CCDC91: variants seen among roughly 807,000 people sequenced by gnomAD.
The protein encoded by CCDC91 is coiled-coil domain-containing protein 91.
CCDC91 carries 48 observed loss-of-function variants against 63.2 expected under a neutral mutation model. That is an observed-to-expected ratio of 0.76 (90% confidence interval 0.60 to 0.97). The LOEUF is 0.97. CCDC91 is among the 50% of genes least tolerant of loss of function. The pLI is 0.00. For missense variants in CCDC91, 500 were observed against 494.6 expected (o/e 1.01, Z -0.10); for synonymous variants, 167 against 165.8 (o/e 1.01, Z -0.06).
intron 8 of CCDC91, among the ~76,000 whole-genome samples, chr12:28,412,131 T>C (rs559540593): frequency 7.2e-5 from 11 of 152,306 alleles, no homozygotes; most frequent in African/African-American, 2.6e-4. Context: ...GATTACACCA[T>C]ACATTCTAGG....
chr12:28,382,870 T>TC (rs1349331144), intron 7 of CCDC91, among the ~76,000 whole-genome samples: 5 of 152,098 alleles, frequency 3.3e-5, no homozygotes, highest in Non-Finnish European at 5.9e-5. Flanking sequence ...AATTTTTTTT[T>TC]CCCTTTCCTT....
intron 5 of CCDC91, 73 bp from the exon 6 acceptor site, chr12:28,307,572 T>C (rs1176639387): frequency 8.1e-6 from 6 of 742,016 alleles, no homozygotes; most frequent in Non-Finnish European, 1.3e-5. Flanking sequence ...TTTTCTGACA[T>C]GTTCATTGAA....
At chr12:28,401,688 A>G (rs1350462922) in intron 8 of CCDC91, among the ~76,000 whole-genome samples, 2 of 152,178 alleles carry the variant, frequency 1.3e-5, no homozygotes, top group African/African-American at 2.4e-5. Flanking sequence ...CCTTTGACAC[A>G]CAGGGCTTAT....
At chr12:28,368,981 G>C (rs1381549660) in intron 7 of CCDC91, among the ~76,000 whole-genome samples, 2 of 152,018 alleles carry the variant, frequency 1.3e-5, no homozygotes, top group African/African-American at 4.8e-5. Flanking sequence ...CTGACACATG[G>C]GAATTACAAA....
intron 11 of CCDC91, among the ~76,000 whole-genome samples, chr12:28,454,536 T>A (rs1592720276): frequency 6.6e-6 from 1 of 152,062 alleles, no homozygotes; most frequent in South Asian, 2.1e-4. Flanking sequence ...CAGTCTGAGG[T>A]TTTTTGCCAT....
intron 3 of CCDC91, among the ~76,000 whole-genome samples, chr12:28,269,088 C>G (rs1372736395): frequency 2.0e-5 from 3 of 152,130 alleles, no homozygotes; most frequent in Non-Finnish European, 4.4e-5. Flanking sequence ...GGCTTGATGT[C>G]TCTGTACTGA....
intron 3 of CCDC91, among the ~76,000 whole-genome samples, chr12:28,292,818 A>T (rs1273828147): frequency 1.2e-4 from 18 of 152,094 alleles, no homozygotes; most frequent in African/African-American, 3.4e-4. Flanking sequence ...TGCTTCTCAA[A>T]CTGTAGATGT....
chr12:28,235,522 C>G lies in CCDC91; in HGVS notation c.-14-21680C>G, dbSNP rs376604328. Among the ~76,000 whole-genome samples, 23 of 151,386 alleles carry G rather than the reference C, an allele frequency of 1.5e-4. 1 individual carries two copies. Among genetic ancestry groups the G allele is most frequent in the African/African-American group, 5.6e-4 (23 of 41,208 alleles). On this transcript the variant is annotated intron_variant, in intron 1 of 12. Coordinates refer to ENST00000536442, the MANE Select transcript of CCDC91 (RefSeq NM_018318.5). ...CACAACTTCATTATAATAAGGACTA[C>G]TGTAAAGTTTCTATTTATTAATCCA...
chr12:28,288,134 A>G (rs1367544775), intron 3 of CCDC91, among the ~76,000 whole-genome samples: 5 of 152,172 alleles, frequency 3.3e-5, no homozygotes, highest in Non-Finnish European at 7.4e-5. Flanking sequence ...ATATAGAATC[A>G]TGTTGTCTGC....
intron 3 of CCDC91, among the ~76,000 whole-genome samples, chr12:28,279,689 A>G (rs1948471010): frequency 6.6e-6 from 1 of 151,910 alleles, no homozygotes; most frequent in Admixed American, 6.6e-5. Flanking sequence ...TTTCCACTTG[A>G]AATTTCTAGG....
At chr12:28,548,825 TTCTC>T (rs1465921322) in intron 12 of CCDC91, among the ~76,000 whole-genome samples, 2 of 152,174 alleles carry the variant, frequency 1.3e-5, no homozygotes, top group Non-Finnish European at 2.9e-5. Flanking sequence ...TGTATGATAT[TTCTC>T]TAATAACTGA....
chr12:28,201,023 C>T lies in CCDC91; in HGVS notation c.-15+10382C>T, dbSNP rs1159866517. On this transcript the variant is annotated intron_variant, in intron 1 of 12. Transcript: ENST00000536442. ...GGGGCTGACCCCCCCACCTCCCTCC[C>T]GGATGGGGCGGCTGGCCGGGCAGAG... is the stretch of plus-strand genomic sequence containing the variant. Among the ~76,000 whole-genome samples the T allele has an allele frequency of 5.5e-5, 8 of 144,220 alleles. No individual in the cohort carries two copies. In the South Asian group the frequency reaches 8.7e-4, roughly 16 times the overall value. 94.6% of individuals were successfully genotyped at this position (144,220 alleles called of 152,430 possible).
intron 6 of CCDC91, among the ~76,000 whole-genome samples, chr12:28,341,048 A>T (rs956117791): frequency 5.9e-5 from 9 of 151,938 alleles, no homozygotes; most frequent in African/African-American, 2.2e-4. Flanking sequence ...TCTTCTGTCC[A>T]CCCCAATCAA....
intron 3 of CCDC91, among the ~76,000 whole-genome samples, chr12:28,278,200 C>T (rs1477062077): frequency 6.6e-6 from 1 of 151,958 alleles, no homozygotes; most frequent in Non-Finnish European, 1.5e-5. Context: ...GCATTTTATA[C>T]TGTTAGCTAG....
At chr12:28,528,868 A>G (rs1019833881) in intron 12 of CCDC91, among the ~76,000 whole-genome samples, 2 of 152,186 alleles carry the variant, frequency 1.3e-5, no homozygotes, top group African/African-American at 4.8e-5. Flanking sequence ...TCAATCGGAA[A>G]CTAGTTAAAT....
intron 12 of CCDC91, among the ~76,000 whole-genome samples, chr12:28,529,737 G>C (rs1941581236): frequency 6.6e-6 from 1 of 152,042 alleles, no homozygotes; most frequent in African/African-American, 2.4e-5. Flanking sequence ...AGTTATTAGT[G>C]GTTTGTTGAA....
At chr12:28,417,622 T>TAC (rs1947752451) in intron 8 of CCDC91, among the ~76,000 whole-genome samples, 1 of 107,934 alleles carries the variant, frequency 9.3e-6, no homozygotes, top group Non-Finnish European at 2.2e-5. Context: ...ACCTTTGAGA[T>TAC]ATATATATAT....
chr12:28,310,362 G>T (rs1939194135), intron 6 of CCDC91, among the ~76,000 whole-genome samples: 1 of 152,006 alleles, frequency 6.6e-6, no homozygotes, highest in Admixed American at 6.6e-5. Context: ...CAATATAAAT[G>T]CTATCTGGCA....
chr12:28,412,664 G>A (rs539362278), intron 8 of CCDC91: 1 of 424,152 alleles, frequency 2.4e-6, no homozygotes, highest in African/African-American at 2.1e-5. Context: ...GAGCATGGAA[G>A]GGGACCTGAG....
Sources: gnomAD v4.1 joint callset for allele counts (sites outside exome capture counted in the v4.1 genomes callset) on GRCh38, gnomAD v4.1.1 for gene constraint, MANE v1.5 for transcripts, NCBI Gene and HGNC (gene_info 2026-07-23, HGNC 2026-07-21) for gene names.